KCTD19: variants seen among roughly 807,000 people sequenced by gnomAD.
KCTD19 encodes the protein potassium channel tetramerization domain containing 19.
Under a neutral mutation model 103.5 loss-of-function variants are expected in KCTD19, and 67 were observed. That is an observed-to-expected ratio of 0.65 (90% CI 0.53 to 0.79). The LOEUF (loss-of-function observed/expected upper bound fraction) is 0.79. Among genes scored for constraint, KCTD19 ranks in the 30% least tolerant of loss-of-function variants. KCTD19 has a pLI of 0.00. For missense variants in KCTD19, 980 were observed against 1,136.1 expected (o/e 0.86, Z 1.98); for synonymous variants, 439 against 452.2 (o/e 0.97, Z 0.37).
At chr16:67,302,002 T>C in intron 4 of KCTD19, 80 bp from the exon 5 acceptor site, 1 of 1,370,618 alleles carries the variant, frequency 7.3e-7, no homozygotes, top group East Asian at 2.3e-5. Flanking sequence ...GGCAGGTTTC[T>C]GGTGCTGTAA....
At chr16:67,296,368 A>G in intron 7 of KCTD19, 109 bp from the exon 8 acceptor site, 1 of 728,866 alleles carries the variant, frequency 1.4e-6, no homozygotes, top group South Asian at 1.5e-5. Context: ...ATCTTTCCTC[A>G]GTCATATTGT....
rs966787969 is a variant in KCTD19, at chr16:67,320,937, A to C, written c.4-52T>G. The C allele has an allele frequency of 6.8e-7, 1 of 1,464,058 alleles. No homozygotes were observed. The highest frequency in any genetic ancestry group is 9.3e-7 in the Non-Finnish European group (1 of 1,080,706). The allele number at this position is 1,464,058 out of a possible 1,614,324, so 90.7% of individuals were successfully genotyped here. A position where few individuals can be genotyped will look rare whatever the true frequency, so the allele number is the denominator to read the frequency against. ...ACGCAAGAAAAAGAAATAAAAAGGC[A>C]TCCAGATTGAAAAGGTAGAAATAAA... On this transcript the variant is annotated intron_variant, in intron 1 of 15. Transcript: ENST00000304372. This position sits in a 1 kb window ranked among gnomAD's most constrained non-coding sequence, Gnocchi z 4.0.
At chr16:67,304,309 C>G (rs1419732691) in intron 3 of KCTD19, 112 bp downstream of exon 3, 10 of 1,038,476 alleles carry the variant, frequency 9.6e-6, no homozygotes, top group Non-Finnish European at 1.5e-5. Context: ...ATGACAGAGA[C>G]TGCCTCAGAA....
Position 67,295,313 on chromosome 16 carries a change from G to A in KCTD19, c.1341C>T (p.His447=). 1 of 1,614,206 alleles carries A rather than the reference G, an allele frequency of 6.2e-7. No individual in the cohort carries two copies. The highest frequency in any genetic ancestry group is 2.2e-5 in the East Asian group (1 of 44,890). Residue 447 remains histidine (H), a synonymous_variant, in exon 9 of 16, where the codon CAC becomes CAT. Coordinates refer to ENST00000304372, the MANE Select transcript of KCTD19 (RefSeq NM_001100915.3). ...LIHGDGQMFR[H]ILNFLRLGKL... ...TGCCAAGTCTCAGGAAGTTGAGAAT[G>A]TGTCGGAACATCTGGCCATCCCCGT...
At chr16:67,319,319 T>G (rs1434076934) in intron 2 of KCTD19, among the ~76,000 whole-genome samples, 1 of 152,088 alleles carries the variant, frequency 6.6e-6, no homozygotes, top group Non-Finnish European at 1.5e-5. Context: ...CATGAAAACA[T>G]GCACTATGAA....
intron 2 of KCTD19, among the ~76,000 whole-genome samples, chr16:67,305,149 T>C (rs1249395452): frequency 6.6e-6 from 1 of 152,124 alleles, no homozygotes. Flanking sequence ...ATCTAAAGAG[T>C]AATTTCTATT....
At chr16:67,325,191 CTTTT>C (rs1567456732) in intron 1 of KCTD19, among the ~76,000 whole-genome samples, 92 of 128,188 alleles carry the variant, frequency 7.2e-4, no homozygotes, top group African/African-American at 2.6e-3. Flanking sequence ...TCTTTTTTTT[CTTTT>C]TTTCTTTTTT....
intron 5 of KCTD19, among the ~76,000 whole-genome samples, 168 bp downstream of exon 5, chr16:67,301,623 A>T (rs1404844901): frequency 6.6e-6 from 1 of 152,114 alleles, no homozygotes; most frequent in Admixed American, 6.5e-5. Context: ...GGCAGCACAC[A>T]GGGTTTCAGG....
At chr16:67,302,896 C>T (rs1431300593) in intron 4 of KCTD19, 1 of 500,532 alleles carries the variant, frequency 2.0e-6, no homozygotes, top group Non-Finnish European at 3.5e-6. Flanking sequence ...TAGCACTTTC[C>T]AGTGCCTGAC....
intron 2 of KCTD19, among the ~76,000 whole-genome samples, chr16:67,316,446 C>T (rs925267851): frequency 1.3e-5 from 2 of 151,798 alleles, no homozygotes; most frequent in Admixed American, 6.6e-5. Flanking sequence ...CAAGCAGATT[C>T]GATGTAAATG....
Position 67,320,502 on chromosome 16 carries a change from A to T in KCTD19, c.300+87T>A. 1 of 1,339,940 alleles carries T rather than the reference A, an allele frequency of 7.5e-7. No individual in the cohort carries two copies. Among genetic ancestry groups the T allele is most frequent in the Non-Finnish European group, 1.0e-6 (1 of 967,468 alleles). The allele number at this position is 1,339,940 out of a possible 1,614,324, so 83.0% of individuals were successfully genotyped here. On this transcript the variant is annotated intron_variant, in intron 2 of 15. Coordinates refer to ENST00000304372, the MANE Select transcript of KCTD19 (RefSeq NM_001100915.3). This position sits in a 1 kb window ranked among gnomAD's most constrained non-coding sequence, Gnocchi z 4.0. ...ATTTGCCCATTAAGAGGGTCATCTC[A>T]GCAACCAATATATAACAGGAAACAA...
At position 67,289,468 on chromosome 16, in the gene KCTD19, A is replaced by G. The variant is rs549053116; in HGVS notation, c.*101T>C. 16 of 631,368 alleles carry G rather than the reference A, an allele frequency of 2.5e-5. No individual in the cohort carries two copies. In the African/African-American group the frequency reaches 3.0e-4, roughly 12 times the overall value. The allele number at this position is 631,368 out of a possible 1,614,324, so 39.1% of individuals were successfully genotyped here. A position where few individuals can be genotyped will look rare whatever the true frequency, so the allele number is the denominator to read the frequency against. ...CTTTTATTTGTTTATAATAAAAAAT[A>G]GACTGATATGTACCCTCTGATGGGC... On this transcript the variant is annotated 3_prime_UTR_variant, in exon 16 of 16. Coordinates refer to ENST00000304372, the MANE Select transcript of KCTD19 (RefSeq NM_001100915.3).
At chr16:67,295,755 T>C (rs2036757784) in intron 8 of KCTD19, 1 of 323,878 alleles carries the variant, frequency 3.1e-6, no homozygotes. Context: ...TGTTTTGTTT[T>C]GTTTTTTGAG....
rs760201103 is a variant in KCTD19 at position 67,291,444 on chromosome 16, G to A, written c.2430C>T (p.Phe810=). 7 of 1,614,032 alleles carry A rather than the reference G, an allele frequency of 4.3e-6. No individual in the cohort carries two copies. Among genetic ancestry groups the A allele is most frequent in the Non-Finnish European group, 5.9e-6 (7 of 1,179,932 alleles). ...AAAACATCTCTTCCCAGGACAGAGA[G>A]AAACTCAGGAAAGTCACTTCTGTGG... is the stretch of plus-strand genomic sequence containing the variant. ...PQPQEVTFLS[F]SLSWEEMFYA... The change falls in exon 14 of 16, where the codon TTC becomes TTT. Residue 810 remains phenylalanine (F), a synonymous_variant. Transcript: ENST00000304372.
rs1305705617 is a variant in KCTD19 at position 67,308,052 on chromosome 16, A to G, written c.301-3481T>C. ...GGCAGTAAAATCTGGAAGCTGTTGTAAAGATTAAATGAAATAGTATGTTAA... is the reference window on the plus strand; with the variant it reads ...GGCAGTAAAATCTGGAAGCTGTTGTGAAGATTAAATGAAATAGTATGTTAA... On this transcript the variant is annotated intron_variant, in intron 2 of 15. Transcript: ENST00000304372. Among the ~76,000 whole-genome samples, 4 of 152,112 alleles carry G rather than the reference A, an allele frequency of 2.6e-5. No individual in the cohort carries two copies. The South Asian group carries it at 8.3e-4, about 31-fold the overall frequency.
At chr16:67,297,700 C>A in intron 6 of KCTD19, 37 bp from the exon 7 acceptor site, 1 of 1,603,186 alleles carries the variant, frequency 6.2e-7, no homozygotes, top group Non-Finnish European at 8.5e-7. Flanking sequence ...AGAACATCAG[C>A]ATTGTACCCC....
intron 2 of KCTD19, among the ~76,000 whole-genome samples, chr16:67,315,354 G>A (rs2036999923): frequency 6.7e-6 from 1 of 150,288 alleles, no homozygotes; most frequent in Admixed American, 6.6e-5. Flanking sequence ...TGCCCAGGCT[G>A]GAGTGCCGTG....
At chr16:67,294,442 T>C (rs1464090304) in intron 11 of KCTD19, 138 bp downstream of exon 11, 1 of 685,264 alleles carries the variant, frequency 1.5e-6, no homozygotes, top group Non-Finnish European at 2.5e-6. Context: ...AGAAGCCAGG[T>C]CCTGTCCTAG....
chr16:67,296,788 G>A (rs1343750340), intron 7 of KCTD19, among the ~76,000 whole-genome samples: 2 of 152,106 alleles, frequency 1.3e-5, no homozygotes, highest in Non-Finnish European at 2.9e-5. Context: ...GCCTTGTTCT[G>A]ATGTTTGGGA....
Sources: allele counts gnomAD v4.1 joint callset (sites outside exome capture counted in the v4.1 genomes callset), GRCh38; gene constraint gnomAD v4.1.1; non-coding constraint Gnocchi (gnomAD v3.1); transcripts MANE v1.5; gene names NCBI Gene and HGNC (gene_info 2026-07-23, HGNC 2026-07-21).